Variants in RIPOR2 observed in about 807,000 individuals in gnomAD.
RIPOR2 encodes the protein rho family-interacting cell polarization regulator 2.
Under a neutral mutation model 114.5 loss-of-function variants are expected in RIPOR2, and 39 were observed. The ratio of observed to expected loss-of-function variants is 0.34; its 90% CI spans 0.26 to 0.44. The LOEUF (loss-of-function observed/expected upper bound fraction) is 0.44, where lower values mean the gene tolerates loss of function less well. Ranked by LOEUF, RIPOR2 falls within the 20% of genes least tolerant of loss-of-function variation. RIPOR2 has a pLI of 1.00. For synonymous variants in RIPOR2, 445 were observed against 484.4 expected (o/e 0.92, Z 1.07); for missense variants, 1,007 against 1,255.1 (o/e 0.80, Z 2.99).
Position 25,037,033 on chromosome 6 carries a change from A to G in RIPOR2, c.76+4818T>C, listed in dbSNP as rs1777284584. Among the ~76,000 whole-genome samples, 1 of 152,130 alleles carries G rather than the reference A, an allele frequency of 6.6e-6. No homozygotes were observed. The highest frequency in any genetic ancestry group is 1.5e-5 in the Non-Finnish European group (1 of 68,010). On this transcript the variant is annotated intron_variant, in intron 1 of 13. Coordinates refer to the RIPOR2 transcript ENST00000510784. The surrounding 1 kb of genome is among the most constrained non-coding windows in gnomAD (Gnocchi z 4.5). ...CCTTCATACTGCCTCAAATGCCACT[A>G]TTACCATTTTTAGGCCCTCAGCTCC...
chr6:24,870,431 A>G (rs1174859382), intron 5 of RIPOR2, among the ~76,000 whole-genome samples: 1 of 152,338 alleles, frequency 6.6e-6, no homozygotes, highest in African/African-American at 2.4e-5. Context: ...TTTTTCCAGG[A>G]TTCAAAAAAC....
At chr6:24,911,439 T>G (rs1358053094) in intron 1 of RIPOR2, among the ~76,000 whole-genome samples, 1 of 149,634 alleles carries the variant, frequency 6.7e-6, no homozygotes, top group African/African-American at 2.5e-5. Context: ...TCATACAAGC[T>G]GGGCTGTGCA....
chr6:24,806,280 C>G lies in RIPOR2; in HGVS notation c.*93G>C. ...CATTTTTATTTCAGTTGTCGTGTCTCTCAGGCTCTAAACAATTTCCAGCCC... is the reference window on the plus strand; with the variant it reads ...CATTTTTATTTCAGTTGTCGTGTCTGTCAGGCTCTAAACAATTTCCAGCCC... On this transcript the variant is annotated 3_prime_UTR_variant, in exon 22 of 22. Transcript: ENST00000643898. 3.4e-6 allele frequency: 3 copies of G among 881,228 alleles called. No homozygotes were observed. Among genetic ancestry groups the G allele is most frequent in the Non-Finnish European group, 5.4e-6 (3 of 550,570 alleles). 54.6% of individuals were successfully genotyped at this position (881,228 alleles called of 1,614,324 possible).
chr6:24,820,591 G>A (rs1015549588), intron 19 of RIPOR2, among the ~76,000 whole-genome samples: 1 of 152,000 alleles, frequency 6.6e-6, no homozygotes, highest in African/African-American at 2.4e-5. Context: ...TGCCTACTTT[G>A]GACATTTCAT....
chr6:24,833,695 C>T (rs185409837), intron 15 of RIPOR2, among the ~76,000 whole-genome samples: 238 of 152,194 alleles, frequency 1.6e-3, no homozygotes, highest in African/African-American at 4.9e-3. Flanking sequence ...TAAGTAAGCT[C>T]ACACATGAAT....
At chr6:24,990,297 A>G (rs902570088) in intron 1 of RIPOR2, among the ~76,000 whole-genome samples, 6 of 152,272 alleles carry the variant, frequency 3.9e-5, no homozygotes, top group South Asian at 4.1e-4. Flanking sequence ...CAACTTTAAT[A>G]GGTGGATATT....
At chr6:25,023,095 C>T (rs1331079630) in intron 1 of RIPOR2, among the ~76,000 whole-genome samples, 1 of 151,976 alleles carries the variant, frequency 6.6e-6, no homozygotes, top group Non-Finnish European at 1.5e-5. Context: ...TTGCAGGCTT[C>T]AGGGGACCAG....
At chr6:24,885,883 T>C (rs934764168) in intron 1 of RIPOR2, among the ~76,000 whole-genome samples, 11 of 152,306 alleles carry the variant, frequency 7.2e-5, no homozygotes, top group Admixed American at 1.3e-4. Context: ...CTAAGGAAGC[T>C]AGAAACTAGC....
intron 6 of RIPOR2, among the ~76,000 whole-genome samples, chr6:24,868,020 G>T (rs1051819949): frequency 2.6e-5 from 4 of 152,220 alleles, no homozygotes; most frequent in African/African-American, 7.2e-5. Flanking sequence ...ATATGTCAAA[G>T]CTTGCCTGCC....
chr6:24,828,769 G>C (rs1760417721), intron 17 of RIPOR2, among the ~76,000 whole-genome samples: 4 of 151,934 alleles, frequency 2.6e-5, no homozygotes. Flanking sequence ...AGACAAGTGA[G>C]AGAGGAAAAG....
chr6:24,997,627 C>T (rs939103087), intron 1 of RIPOR2, among the ~76,000 whole-genome samples: 2 of 152,190 alleles, frequency 1.3e-5, no homozygotes, highest in African/African-American at 2.4e-5. Context: ...AAGCACTCCT[C>T]ACTTCCTACT....
chr6:24,857,931 T>A (rs928012608), intron 8 of RIPOR2, among the ~76,000 whole-genome samples: 6 of 152,214 alleles, frequency 3.9e-5, no homozygotes, highest in Admixed American at 2.6e-4. Flanking sequence ...TCCATAGCTC[T>A]TCTCCGAACA....
chr6:24,910,870 A>G, intron 1 of RIPOR2: 1 of 985,380 alleles, frequency 1.0e-6, no homozygotes, highest in Non-Finnish European at 1.2e-6. Context: ...GTTCTCTGGC[A>G]TATAAAAGCC....
In RIPOR2 at chr6:24,883,704, C is replaced by T. The variant is rs1401426189; in HGVS notation, c.62-7887G>A. ...AAGAGGAAGTGCCAAGAAATCAGGA[C>T]TTGGAAAAGCTGAATCAGTAAGCAA... On this transcript the variant is annotated intron_variant, in intron 1 of 21. Coordinates refer to ENST00000643898, the MANE Select transcript of RIPOR2 (RefSeq NM_001286445.3). The surrounding 1 kb of genome is among the most constrained non-coding windows in gnomAD (Gnocchi z 4.1). 6.6e-6 allele frequency among the ~76,000 whole-genome samples: 1 copy of T among 152,184 alleles called. No homozygotes were observed. The highest frequency in any genetic ancestry group is 2.4e-5 in the African/African-American group (1 of 41,434).
At chr6:25,019,992 A>G (rs1406007362) in intron 1 of RIPOR2, among the ~76,000 whole-genome samples, 4 of 151,910 alleles carry the variant, frequency 2.6e-5, no homozygotes, top group African/African-American at 9.7e-5. Flanking sequence ...TAATATGTAT[A>G]TAAACAAAAG....
At chr6:24,879,615 A>G (rs555394389) in intron 1 of RIPOR2, among the ~76,000 whole-genome samples, 1 of 152,300 alleles carries the variant, frequency 6.6e-6, no homozygotes, top group East Asian at 1.9e-4. Context: ...AAATAAAAGG[A>G]GGAGGTTGGG....
chr6:24,992,282 T>C (rs1340563659), intron 1 of RIPOR2, among the ~76,000 whole-genome samples: 3 of 152,192 alleles, frequency 2.0e-5, no homozygotes, highest in African/African-American at 7.2e-5. Context: ...ATTTGTCTTA[T>C]CACGCAGAAG....
chr6:25,000,402 G>T (rs1775251753), intron 1 of RIPOR2, among the ~76,000 whole-genome samples: 1 of 152,094 alleles, frequency 6.6e-6, no homozygotes, highest in Non-Finnish European at 1.5e-5. Flanking sequence ...TGTATCCTGT[G>T]CACTGTTGTA....
At chr6:24,872,402 G>T (rs889423446) in intron 4 of RIPOR2, among the ~76,000 whole-genome samples, 3 of 151,564 alleles carry the variant, frequency 2.0e-5, no homozygotes, top group Non-Finnish European at 4.4e-5. Context: ...AAACACAGAC[G>T]GGGGGTGGGT....
Sources: gnomAD v4.1 joint callset for allele counts (sites outside exome capture counted in the v4.1 genomes callset) on GRCh38, gnomAD v4.1.1 for gene constraint, Gnocchi (gnomAD v3.1) non-coding constraint, MANE v1.5 for transcripts, NCBI Gene and HGNC (gene_info 2026-07-23, HGNC 2026-07-21) for gene names.